Variants in LRRC8D observed in about 807,000 individuals in gnomAD.
The protein encoded by LRRC8D is leucine rich repeat containing 8 VRAC subunit D, also known as volume-regulated anion channel subunit LRRC8D.
In LRRC8D, 20 loss-of-function variants were observed where a neutral mutation model predicts 55.8. The observed-to-expected ratio is 0.36, with a 90% confidence interval of 0.25 to 0.52. The LOEUF (loss-of-function observed/expected upper bound fraction) is 0.52. LRRC8D is among the 20% of genes least tolerant of loss of function. The pLI is 0.93. For missense variants in LRRC8D, 651 were observed against 1,030.8 expected, an observed-to-expected ratio of 0.63 and a Z score of 5.05; for synonymous variants, 352 against 377.0, an observed-to-expected ratio of 0.93 and a Z score of 0.77.
chr1:89,843,507 G>C, intron 1 of LRRC8D, 131 bp from the exon 2 acceptor site: 1 of 552,956 alleles, frequency 1.8e-6, no homozygotes, highest in Non-Finnish European at 3.3e-6. Context: ...GGGGAGCGCT[G>C]GGTGCCCACC....
intron 2 of LRRC8D, among the ~76,000 whole-genome samples, chr1:89,908,296 G>A (rs576257667): frequency 4.6e-5 from 7 of 152,244 alleles, no homozygotes; most frequent in South Asian, 2.1e-4. Flanking sequence ...CTCACTTCTC[G>A]TTACACCTCT....
chr1:89,899,188 T>C (rs981222136), intron 2 of LRRC8D, among the ~76,000 whole-genome samples: 3 of 152,198 alleles, frequency 2.0e-5, no homozygotes, highest in Non-Finnish European at 4.4e-5. Flanking sequence ...GGCCTAGCAT[T>C]ACATTAGTTT....
chr1:89,918,017 C>T (rs1183083435), intron 2 of LRRC8D, among the ~76,000 whole-genome samples: 1 of 152,192 alleles, frequency 6.6e-6, no homozygotes, highest in Non-Finnish European at 1.5e-5. Context: ...CAGGAATTTG[C>T]ATAGTGTTAA....
chr1:89,893,228 A>G (rs1014561753), intron 2 of LRRC8D, among the ~76,000 whole-genome samples: 1 of 152,234 alleles, frequency 6.6e-6, no homozygotes, highest in Non-Finnish European at 1.5e-5. Context: ...AGAAGGGAAC[A>G]ATGAGAAGAT....
chr1:89,908,628 G>A (rs998284759), intron 2 of LRRC8D, among the ~76,000 whole-genome samples: 4 of 152,224 alleles, frequency 2.6e-5, no homozygotes, highest in African/African-American at 9.6e-5. Flanking sequence ...ATGTATGTGT[G>A]TTGAAATGCT....
intron 1 of LRRC8D, among the ~76,000 whole-genome samples, chr1:89,832,905 A>G (rs1234786614): frequency 6.6e-6 from 1 of 152,228 alleles, no homozygotes; most frequent in East Asian, 1.9e-4. Flanking sequence ...CTTTACATAT[A>G]TTAGCTCATT....
rs544821746 is a variant in LRRC8D at position 89,855,894 on chromosome 1, C to T, written c.-3+12112C>T. Among the ~76,000 whole-genome samples, 23 of 152,248 alleles carry T rather than the reference C, an allele frequency of 1.5e-4. No individual in the cohort carries two copies. The South Asian group carries it at 1.9e-3, about 12-fold the overall frequency. On this transcript the variant is annotated intron_variant, in intron 2 of 2. Transcript: ENST00000337338. The stretch of plus-strand genomic sequence containing the variant: ...CAGACCAATAGAGATCAAAGATTCA[C>T]GCATCATCACACAATGGGAAATTTT...
chr1:89,935,517 C>T lies in LRRC8D; in HGVS notation c.2449C>T (p.Leu817=). ...CTGCTTGGACCGCCTGCCAGCCCAG[C>T]TGGGCCAGTGTCGGATGCTCAAGAA... The part of the protein sequence containing the change: ...GNCLDRLPAQ[L]GQCRMLKKSG... Residue 817 remains leucine, a synonymous_variant, in exon 3 of 3, where the codon CTG becomes TTG. Transcript: ENST00000337338. The T allele has an allele frequency of 1.2e-6, 2 of 1,614,238 alleles. No homozygotes were observed. The highest frequency in any genetic ancestry group is 2.2e-5 in the East Asian group (1 of 44,882).
chr1:89,896,109 G>A (rs1340562842), intron 2 of LRRC8D, among the ~76,000 whole-genome samples: 3 of 152,186 alleles, frequency 2.0e-5, no homozygotes, highest in Non-Finnish European at 4.4e-5. Flanking sequence ...CAAAATCTAT[G>A]GCTTAAGTGG....
At chr1:89,921,891 C>T (rs1304891741) in intron 2 of LRRC8D, among the ~76,000 whole-genome samples, 1 of 151,954 alleles carries the variant, frequency 6.6e-6, no homozygotes, top group Admixed American at 6.6e-5. Context: ...TGTTTTAATG[C>T]TAGGGTTTCT....
chr1:89,893,586 C>A (rs190361495), intron 2 of LRRC8D, among the ~76,000 whole-genome samples: 1 of 152,230 alleles, frequency 6.6e-6, no homozygotes, highest in Admixed American at 6.5e-5. Context: ...TTTTCCCAAG[C>A]ATACATTTTT....
intron 1 of LRRC8D, 54 bp downstream of exon 1, chr1:89,821,345 G>A (rs1328217465): frequency 2.6e-5 from 4 of 152,130 alleles, no homozygotes; most frequent in Admixed American, 1.3e-4. Flanking sequence ...AAGGCGACGC[G>A]CAGGTGGAGC....
chr1:89,825,722 C>T (rs1185799774), intron 1 of LRRC8D, among the ~76,000 whole-genome samples: 1 of 152,198 alleles, frequency 6.6e-6, no homozygotes. Flanking sequence ...TTACAGTCTT[C>T]ACTACAAAGA....
intron 1 of LRRC8D, among the ~76,000 whole-genome samples, chr1:89,833,323 A>G (rs1205126546): frequency 2.0e-5 from 3 of 152,238 alleles, no homozygotes; most frequent in African/African-American, 7.2e-5. Flanking sequence ...GGAACACCGT[A>G]CTAAAACGCT....
At chr1:89,876,100 C>T (rs1468111207) in intron 2 of LRRC8D, among the ~76,000 whole-genome samples, 1 of 152,088 alleles carries the variant, frequency 6.6e-6, no homozygotes, top group East Asian at 1.9e-4. Flanking sequence ...TCCAGGCTTC[C>T]ATCCACTCAG....
chr1:89,823,832 A>T (rs1263918516), intron 1 of LRRC8D, among the ~76,000 whole-genome samples: 1 of 152,210 alleles, frequency 6.6e-6, no homozygotes, highest in Non-Finnish European at 1.5e-5. Context: ...GTGGAACCAG[A>T]TAAAAGTTTA....
intron 2 of LRRC8D, among the ~76,000 whole-genome samples, chr1:89,865,670 C>T (rs565112628): frequency 5.3e-5 from 8 of 152,144 alleles, no homozygotes; most frequent in African/African-American, 1.9e-4. Context: ...CTTATCAGAT[C>T]GTAAATCTGC....
intron 2 of LRRC8D, among the ~76,000 whole-genome samples, chr1:89,896,668 A>G (rs1662721254): frequency 6.6e-6 from 1 of 152,204 alleles, no homozygotes; most frequent in Non-Finnish European, 1.5e-5. Context: ...ATAGATTAGC[A>G]TTCAGGACAG....
rs937902974 is a variant in LRRC8D, at chr1:89,888,752, G to A, written c.-2-44315G>A. Among the ~76,000 whole-genome samples the A allele has an allele frequency of 4.6e-5, 7 of 152,160 alleles. No individual in the cohort carries two copies. In the South Asian group the frequency reaches 8.3e-4, roughly 18 times the overall value. The stretch of plus-strand genomic sequence containing the variant: ...AAGAGCTTAACAAACCCACAATGAC[G>A]AAGGTTTATCAGAGGGACACAGGAG... On this transcript the variant is annotated intron_variant, in intron 2 of 2. Coordinates refer to ENST00000337338, the MANE Select transcript of LRRC8D (RefSeq NM_001134479.2).
Sources: gnomAD v4.1 joint callset for allele counts (sites outside exome capture counted in the v4.1 genomes callset) on GRCh38, gnomAD v4.1.1 for gene constraint, MANE v1.5 for transcripts, NCBI Gene and HGNC (gene_info 2026-07-23, HGNC 2026-07-21) for gene names.